The following VTI1A variants were observed in gnomAD, a reference collection of about 807,000 sequenced individuals.
VTI1A encodes the protein vesicle transport through interaction with t-SNAREs 1A.
VTI1A carries 22 observed loss-of-function variants against 34.9 expected under a neutral mutation model. The observed-to-expected ratio is 0.63, with a 90% CI of 0.45 to 0.90. VTI1A has a LOEUF of 0.90. Ranked by LOEUF, VTI1A falls within the 40% of genes least tolerant of loss-of-function variation. VTI1A has a pLI of 0.00. For missense variants in VTI1A, 268 were observed against 275.6 expected, an observed-to-expected ratio of 0.97 and a Z score of 0.20; for synonymous variants, 87 against 97.3, an observed-to-expected ratio of 0.89 and a Z score of 0.62.
At chr10:112,853,555 G>T in the VTI1A span, among the ~76,000 whole-genome samples, 13 of 152,250 alleles carry the variant, frequency 8.5e-5, no homozygotes, top group African/African-American at 2.9e-4. Context: ...AAAGGTAATG[G>T]ACTGTACCCA....
rs115527887 is a variant in VTI1A at position 112,758,785 on chromosome 10, C to T, written c.561-56505C>T. Reference sequence around the variant, plus strand: ...AATGAGGTGCTTATGGATGGCCCAGCCCATGCCCCATTCTCAATGCATGTT... The same window carrying T: ...AATGAGGTGCTTATGGATGGCCCAGTCCATGCCCCATTCTCAATGCATGTT... On this transcript the variant is annotated intron_variant, in intron 7 of 7. Transcript: ENST00000393077. Among the ~76,000 whole-genome samples, 129 of 152,358 alleles carry T rather than the reference C, an allele frequency of 8.5e-4. 1 individual carries two copies. The highest frequency in any genetic ancestry group is 3.1e-3 in the African/African-American group (128 of 41,590).
intron 7 of VTI1A, among the ~76,000 whole-genome samples, chr10:112,813,070 G>T (rs1448459670): frequency 6.6e-6 from 1 of 152,186 alleles, no homozygotes; most frequent in African/African-American, 2.4e-5. Context: ...CATGTGCTGG[G>T]GTGGTAGAGG....
chr10:112,531,867 A>G (rs983892234), intron 4 of VTI1A, among the ~76,000 whole-genome samples: 1 of 152,184 alleles, frequency 6.6e-6, no homozygotes, highest in African/African-American at 2.4e-5. Context: ...CCGATATATG[A>G]TAGGCCAGGT....
the VTI1A span, among the ~76,000 whole-genome samples, chr10:112,848,520 A>C: frequency 6.6e-6 from 1 of 152,202 alleles, no homozygotes; most frequent in African/African-American, 2.4e-5. Context: ...GGGGAGTCTC[A>C]TGAGAAACAA....
intron 5 of VTI1A, among the ~76,000 whole-genome samples, chr10:112,568,518 A>G (rs899520249): frequency 1.3e-5 from 2 of 151,994 alleles, no homozygotes; most frequent in African/African-American, 4.8e-5. Context: ...CTCAAAAAAA[A>G]AAAATTGTGA....
chr10:112,619,882 C>G (rs1845659924), intron 5 of VTI1A, among the ~76,000 whole-genome samples: 1 of 152,150 alleles, frequency 6.6e-6, no homozygotes, highest in Non-Finnish European at 1.5e-5. Context: ...GAGACACCAC[C>G]TAGGGGAGGA....
chr10:112,728,064 C>T (rs72824036), intron 7 of VTI1A, among the ~76,000 whole-genome samples: 5,346 of 152,214 alleles, frequency 0.035, 158 homozygotes, highest in Non-Finnish European at 0.051. Context: ...GGGGGACAGT[C>T]TGAACCCGAA....
intron 3 of VTI1A, among the ~76,000 whole-genome samples, chr10:112,506,208 A>G (rs1299128234): frequency 6.6e-6 from 1 of 152,208 alleles, no homozygotes; most frequent in Non-Finnish European, 1.5e-5. Context: ...TTGTAACACA[A>G]TGATACGTAT....
intron 7 of VTI1A, among the ~76,000 whole-genome samples, chr10:112,716,382 A>T (rs531027757): frequency 6.6e-6 from 1 of 152,316 alleles, no homozygotes; most frequent in Non-Finnish European, 1.5e-5. Flanking sequence ...TAAAATATAA[A>T]TAATCCATGT....
At chr10:112,517,468 G>T (rs970928493) in intron 3 of VTI1A, among the ~76,000 whole-genome samples, 4 of 151,988 alleles carry the variant, frequency 2.6e-5, no homozygotes, top group Non-Finnish European at 5.9e-5. Context: ...TAGATACTCC[G>T]CCCTCAAGGG....
chr10:112,806,312 G>T (rs1853076344), intron 7 of VTI1A, among the ~76,000 whole-genome samples: 2 of 152,198 alleles, frequency 1.3e-5, no homozygotes, highest in East Asian at 1.9e-4. Context: ...TTGAGACGGA[G>T]TCTCACTCTG....
intron 3 of VTI1A, among the ~76,000 whole-genome samples, chr10:112,499,747 C>T (rs948978669): frequency 6.6e-6 from 1 of 152,196 alleles, no homozygotes; most frequent in Non-Finnish European, 1.5e-5. Flanking sequence ...CACAGTTACC[C>T]ATATGAGAAA....
At chr10:112,667,928 T>G (rs557372593) in intron 5 of VTI1A, among the ~76,000 whole-genome samples, 114 of 152,290 alleles carry the variant, frequency 7.5e-4, no homozygotes, top group Non-Finnish European at 1.4e-3. Context: ...ACCTCAGATC[T>G]TCTCCACCTT....
chr10:112,487,039 C>T (rs1474064951), intron 3 of VTI1A, among the ~76,000 whole-genome samples: 1 of 152,110 alleles, frequency 6.6e-6, no homozygotes, highest in Admixed American at 6.6e-5. Context: ...GAAGTGACCT[C>T]AGATTAAGGA....
chr10:112,674,020 C>T (rs1847949588), intron 7 of VTI1A, among the ~76,000 whole-genome samples: 1 of 152,126 alleles, frequency 6.6e-6, no homozygotes, highest in Non-Finnish European at 1.5e-5. Flanking sequence ...GAAAATTCAA[C>T]AGTATAGAGT....
At chr10:112,664,989 T>G (rs1218080588) in intron 5 of VTI1A, among the ~76,000 whole-genome samples, 1 of 152,208 alleles carries the variant, frequency 6.6e-6, no homozygotes, top group African/African-American at 2.4e-5. Flanking sequence ...AAATTTATGA[T>G]TTCTCAAATT....
At chr10:112,739,335 T>C (rs1850609999) in intron 7 of VTI1A, among the ~76,000 whole-genome samples, 1 of 152,204 alleles carries the variant, frequency 6.6e-6, no homozygotes, top group South Asian at 2.1e-4. Context: ...AGGATGTCCA[T>C]GGTCCCCATT....
chr10:112,571,749 A>C (rs931647230), intron 5 of VTI1A, among the ~76,000 whole-genome samples: 1 of 152,176 alleles, frequency 6.6e-6, no homozygotes, highest in Non-Finnish European at 1.5e-5. Flanking sequence ...GTGCCCACCA[A>C]CAATAAATTG....
chr10:112,659,734 C>T (rs887969404), intron 5 of VTI1A, among the ~76,000 whole-genome samples: 11 of 152,180 alleles, frequency 7.2e-5, no homozygotes, highest in East Asian at 3.9e-4. Flanking sequence ...CACGCGCACG[C>T]GCGTGCATAG....
Sources: gnomAD v4.1 joint callset for allele counts (sites outside exome capture counted in the v4.1 genomes callset) on GRCh38, gnomAD v4.1.1 for gene constraint, MANE v1.5 for transcripts, NCBI Gene and HGNC (gene_info 2026-07-23, HGNC 2026-07-21) for gene names.